PHEX: variants seen among roughly 807,000 people sequenced by gnomAD.
PHEX encodes phosphate regulating endopeptidase X-linked, also known as phosphate-regulating neutral endopeptidase PHEX.
A neutral mutation model predicts 68.0 loss-of-function variants in PHEX; 16 were observed. The ratio of observed to expected loss-of-function variants is 0.24; its 90% CI spans 0.16 to 0.36. PHEX has a LOEUF of 0.36. PHEX is among the 10% of genes least tolerant of loss of function. The probability of loss-of-function intolerance (pLI) is 1.00; values close to 1 mark genes in which losing one functional copy is unlikely to be tolerated. For missense variants in PHEX, 480 were observed against 575.5 expected, an observed-to-expected ratio of 0.83 and a Z score of 1.70; for synonymous variants, 208 against 205.1, an observed-to-expected ratio of 1.01 and a Z score of -0.12.
intron 18 of PHEX, 39 bp from the exon 19 acceptor site, chrX:22,226,404 C>G (rs148434865): frequency 0.025 from 23,736 of 948,001 alleles, 228 homozygotes; most frequent in South Asian, 0.031. Flanking sequence ...CCGTGAAACA[C>G]GCATTCATTT....
At chrX:22,095,135 GTC>G (rs1170049149) in intron 7 of PHEX, among the ~76,000 whole-genome samples, 3 of 111,225 alleles carry the variant, frequency 2.7e-5, no homozygotes, top group Non-Finnish European at 5.7e-5. Flanking sequence ...GGAGGAATTG[GTC>G]TCTCTCTCTT....
chrX:22,236,538 A>C (rs1172842522), intron 20 of PHEX, among the ~76,000 whole-genome samples: 1 of 113,104 alleles, frequency 8.8e-6, no homozygotes, highest in African/African-American at 3.2e-5. Context: ...GTATACAAAA[A>C]TAGAACTTTC....
Position 22,200,227 on chromosome X carries a change from G to A in PHEX, c.1645+9725G>A, listed in dbSNP as rs1934503841. ...GACTGCAAAACTAGCAAATTGCAGA[G>A]CTGGGAGTATAACCCAGCTTATCTG... On this transcript the variant is annotated intron_variant, in intron 15 of 21. Coordinates refer to ENST00000379374, the MANE Select transcript of PHEX (RefSeq NM_000444.6). 2.7e-5 allele frequency among the ~76,000 whole-genome samples: 3 copies of A among 112,505 alleles called. No individual in the cohort carries two copies. In the South Asian group the frequency reaches 1.1e-3, roughly 41 times the overall value.
chrX:22,168,660 G>A lies in PHEX; in HGVS notation c.1482+271G>A, dbSNP rs73636814. On this transcript the variant is annotated intron_variant, in intron 13 of 21. Coordinates refer to ENST00000379374, the MANE Select transcript of PHEX (RefSeq NM_000444.6). ...GGTTTGGCCTAATTTGATCATAAAA[G>A]AAAGAATTAAGCAAATTGAGTATGT... 0.21 allele frequency among the ~76,000 whole-genome samples: 22,903 copies of A among 111,390 alleles called. 1,881 individuals are homozygous for A. The highest frequency in any genetic ancestry group is 0.25 in the Non-Finnish European group (13,203 of 52,918).
At chrX:22,069,152 A>G (rs1391905422) in intron 3 of PHEX, among the ~76,000 whole-genome samples, 1 of 111,857 alleles carries the variant, frequency 8.9e-6, no homozygotes, top group African/African-American at 3.2e-5. Flanking sequence ...GAGAAAAAAT[A>G]TAAATAATTA....
chrX:22,190,317 C>T, intron 14 of PHEX, 127 bp from the exon 15 acceptor site: 3 of 566,260 alleles, frequency 5.3e-6, no homozygotes, highest in East Asian at 3.3e-5. Context: ...ATAATTTCCC[C>T]TCATGTCCAA....
At chrX:22,133,426 G>T in intron 11 of PHEX, 97 bp from the exon 12 acceptor site, 1 of 605,063 alleles carries the variant, frequency 1.7e-6, no homozygotes, top group Admixed American at 2.3e-5. Context: ...ACCATGTTGA[G>T]TAAAGAGTCA....
intron 15 of PHEX, among the ~76,000 whole-genome samples, chrX:22,200,023 A>T (rs747279707): frequency 5.8e-4 from 65 of 111,915 alleles, no homozygotes; most frequent in African/African-American, 1.9e-3. Context: ...TCAAATGGAG[A>T]TTATAACTGT....
chrX:22,217,278 T>C (rs767290852), intron 16 of PHEX, among the ~76,000 whole-genome samples: 14 of 112,554 alleles, frequency 1.2e-4, no homozygotes, highest in Non-Finnish European at 2.3e-4. Flanking sequence ...AGCTCTATGA[T>C]TGAAATGAAT....
chrX:22,088,976 G>T (rs1602283366), intron 5 of PHEX, among the ~76,000 whole-genome samples: 1 of 111,817 alleles, frequency 8.9e-6, no homozygotes, highest in Non-Finnish European at 1.9e-5. Context: ...TTTGACTAAG[G>T]TGTGAGGTAT....
At chrX:22,130,012 G>A (rs993267050) in intron 11 of PHEX, among the ~76,000 whole-genome samples, 1 of 111,294 alleles carries the variant, frequency 9.0e-6, no homozygotes, top group East Asian at 2.8e-4. Flanking sequence ...ATTGAATGAC[G>A]GTGTTTGCCA....
rs140440930 is a variant in PHEX, at chrX:22,089,483, T to G, written c.664-946T>G. Among the ~76,000 whole-genome samples, 943 of 109,043 alleles carry G rather than the reference T, an allele frequency of 8.6e-3. 19 individuals carry two copies. Among genetic ancestry groups the G allele is most frequent in the African/African-American group, 0.03 (892 of 29,853 alleles). The allele number at this position is 109,043 out of a possible 115,157, so 94.7% of individuals were successfully genotyped here. A position where few individuals can be genotyped will look rare whatever the true frequency, so the allele number is the denominator to read the frequency against. ...TTGCCCAGGCTGGAGTGTAGTGGCG[T>G]GATCTCTGCTCACTGCAGCCTCCAT... On this transcript the variant is annotated intron_variant, in intron 5 of 21. Transcript: ENST00000379374.
At chrX:22,071,273 G>A (rs1030626138) in intron 3 of PHEX, among the ~76,000 whole-genome samples, 2 of 111,581 alleles carry the variant, frequency 1.8e-5, no homozygotes, top group Middle Eastern at 4.6e-3. Flanking sequence ...TAAAACTGGC[G>A]TTCATGAAAA....
chrX:22,042,918 G>T (rs1046217614), intron 2 of PHEX, among the ~76,000 whole-genome samples: 2 of 112,693 alleles, frequency 1.8e-5, no homozygotes, highest in African/African-American at 6.4e-5. Flanking sequence ...GTAACTCTCA[G>T]TTGGCAAGAT....
intron 8 of PHEX, chrX:22,098,100 T>G (rs1370688105): frequency 8.7e-6 from 1 of 115,497 alleles, no homozygotes; most frequent in Non-Finnish European, 1.8e-5. Flanking sequence ...TGTGTTTTTT[T>G]TTTTTTTTTT....
At chrX:22,061,281 C>T (rs964185490) in intron 3 of PHEX, among the ~76,000 whole-genome samples, 1 of 111,814 alleles carries the variant, frequency 8.9e-6, no homozygotes, top group East Asian at 2.8e-4. Flanking sequence ...TGCTAACATT[C>T]ATAGTGGAAC....
intron 5 of PHEX, among the ~76,000 whole-genome samples, chrX:22,088,865 T>C (rs1219743088): frequency 6.2e-5 from 7 of 112,006 alleles, no homozygotes; most frequent in Non-Finnish European, 1.3e-4. Context: ...TAAAAACTCT[T>C]TGTCTAACCC....
chrX:22,214,690 TG>T (rs1227781635), intron 16 of PHEX, among the ~76,000 whole-genome samples: 2 of 112,068 alleles, frequency 1.8e-5, no homozygotes, highest in Non-Finnish European at 3.8e-5. Context: ...CTCTAGTGGC[TG>T]GAGAAAGTCT....
rs776842545 is a variant in PHEX at position 22,251,092 on chromosome X, G to A, written c.*3139G>A. ...TCTTCCTTGATACATTTAACATAAC[G>A]CCTCAGTTGCATATTACATTATGGA... On this transcript the variant is annotated 3_prime_UTR_variant, in exon 22 of 22. Transcript: ENST00000379374. The A allele has an allele frequency of 6.3e-5, 7 of 111,934 alleles. No individual in the cohort carries two copies. Among genetic ancestry groups the A allele is most frequent in the Admixed American group, 9.5e-5 (1 of 10,571 alleles). The allele number at this position is 111,934 out of a possible 1,213,427, so 9.2% of individuals were successfully genotyped here.
Sources: allele counts gnomAD v4.1 joint callset (sites outside exome capture counted in the v4.1 genomes callset), GRCh38; gene constraint gnomAD v4.1.1; transcripts MANE v1.5; gene names NCBI Gene and HGNC (gene_info 2026-07-23, HGNC 2026-07-21).